The following LSM1 variants were observed in gnomAD, a reference collection of about 807,000 sequenced individuals.
LSM1 encodes LSM1 homolog, mRNA degradation associated, also known as U6 snRNA-associated Sm-like protein LSm1.
Under a neutral mutation model 18.0 loss-of-function variants are expected in LSM1, and 13 were observed. The observed-to-expected ratio is 0.72, with a 90% CI of 0.47 to 1.15. The LOEUF (loss-of-function observed/expected upper bound fraction) is 1.15, where lower values mean the gene tolerates loss of function less well. Among genes scored for constraint, LSM1 ranks in the 50% most tolerant of loss-of-function variants. The pLI is 0.00. For missense variants in LSM1, 152 were observed against 157.7 expected (o/e 0.96, Z 0.19); for synonymous variants, 46 against 56.0 (o/e 0.82, Z 0.80).
At position 38,176,464 on chromosome 8, in the gene LSM1, G is replaced by A. The variant is rs935956492; in HGVS notation, c.-144C>T. ...AGCACTTCTGCCCCGGCTTTCAGCC[G>A]CCGGGGGCTGCCGGAAGCTCCTCCA... On this transcript the variant is annotated 5_prime_UTR_variant, in exon 1 of 4. Transcript: ENST00000311351. 1.4e-4 allele frequency: 88 copies of A among 650,298 alleles called. No homozygotes were observed. In the Middle Eastern group the frequency reaches 1.6e-3, roughly 12 times the overall value. The allele number at this position is 650,298 out of a possible 1,614,324, so 40.3% of individuals were successfully genotyped here.
intron 2 of LSM1, among the ~76,000 whole-genome samples, chr8:38,170,502 CA>C (rs963441741): frequency 7.9e-5 from 12 of 151,104 alleles, no homozygotes; most frequent in Non-Finnish European, 1.6e-4. Flanking sequence ...TTGCTAATAC[CA>C]AAAAAAACCA....
intron 2 of LSM1, among the ~76,000 whole-genome samples, chr8:38,170,619 G>A (rs988309366): frequency 1.3e-5 from 2 of 152,082 alleles, no homozygotes; most frequent in East Asian, 1.9e-4. Context: ...TTTTGTGTGG[G>A]TGTGTATGTG....
intron 1 of LSM1, among the ~76,000 whole-genome samples, chr8:38,173,379 G>A (rs977423863): frequency 6.6e-6 from 1 of 151,970 alleles, no homozygotes; most frequent in South Asian, 2.1e-4. Context: ...AAGGGGGCGG[G>A]GGGGGAGAAG....
At chr8:38,168,263 G>C (rs577438661) in intron 3 of LSM1, among the ~76,000 whole-genome samples, 1 of 150,790 alleles carries the variant, frequency 6.6e-6, no homozygotes, top group South Asian at 2.1e-4. Context: ...ACCTGGCCTT[G>C]TTTCAGCCTT....
chr8:38,172,298 T>C (rs1259604647), intron 1 of LSM1, among the ~76,000 whole-genome samples: 1 of 149,898 alleles, frequency 6.7e-6, no homozygotes, highest in African/African-American at 2.5e-5. Flanking sequence ...TAGACCCTTA[T>C]GTTGGTTTTT....
chr8:38,164,216 G>C (rs1282280359), intron 3 of LSM1, among the ~76,000 whole-genome samples: 1 of 152,100 alleles, frequency 6.6e-6, no homozygotes, highest in Non-Finnish European at 1.5e-5. Flanking sequence ...CACCACGCCT[G>C]GCTAATTTTT....
intron 2 of LSM1, among the ~76,000 whole-genome samples, chr8:38,170,310 TACAGGCGTGAGCC>T (rs1803003691): frequency 6.6e-6 from 1 of 152,206 alleles, no homozygotes; most frequent in South Asian, 2.1e-4. Context: ...GTGCTGGGAT[TACAGGCGTGAGCC>T]ACAGTGCCGG....
At chr8:38,169,691 A>G (rs776913066) in intron 3 of LSM1, 111 bp downstream of exon 3, 18 of 629,234 alleles carry the variant, frequency 2.9e-5, no homozygotes, top group Non-Finnish European at 2.2e-5. Flanking sequence ...GTTGCCTAGG[A>G]GAAGCCAGAT....
chr8:38,173,980 G>C (rs539308494), intron 1 of LSM1, among the ~76,000 whole-genome samples: 8 of 152,260 alleles, frequency 5.3e-5, no homozygotes, highest in African/African-American at 1.9e-4. Flanking sequence ...GAAATCAAGA[G>C]AAGAGAATTA....
intron 1 of LSM1, among the ~76,000 whole-genome samples, chr8:38,174,295 A>G (rs755473621): frequency 5.9e-5 from 9 of 152,164 alleles, no homozygotes; most frequent in Admixed American, 3.3e-4. Context: ...AGAGGATATA[A>G]AAGAAAAAGG....
chr8:38,173,870 G>C (rs1803071097), intron 1 of LSM1, among the ~76,000 whole-genome samples: 3 of 152,298 alleles, frequency 2.0e-5, no homozygotes, highest in Non-Finnish European at 4.4e-5. Context: ...ATCTACTAAA[G>C]ATTTAAAGAA....
intron 3 of LSM1, among the ~76,000 whole-genome samples, chr8:38,164,972 AC>A (rs1369447734): frequency 6.6e-6 from 1 of 152,196 alleles, no homozygotes; most frequent in East Asian, 1.9e-4. Flanking sequence ...CTTTACGGCA[AC>A]AAGTCTTCTA....
chr8:38,176,007 C>T, intron 1 of LSM1: 1 of 393,032 alleles, frequency 2.5e-6, no homozygotes, highest in Non-Finnish European at 4.6e-6. Flanking sequence ...CTGCCGCGAT[C>T]CACGGAAGCA....
chr8:38,172,099 A>AT, intron 1 of LSM1, 66 bp from the exon 2 acceptor site: 5 of 1,131,654 alleles, frequency 4.4e-6, no homozygotes, highest in Non-Finnish European at 5.3e-6. Context: ...TAGGATAATA[A>AT]TTAACAGTTT....
intron 2 of LSM1, among the ~76,000 whole-genome samples, chr8:38,171,732 C>T (rs1803033636): frequency 6.6e-6 from 1 of 152,178 alleles, no homozygotes; most frequent in Non-Finnish European, 1.5e-5. Context: ...TTTGGCTCCC[C>T]CTACTGGGGA....
chr8:38,176,722 GGCA>G, upstream of LSM1: 1 of 1,088,548 alleles, frequency 9.2e-7, no homozygotes, highest in Non-Finnish European at 1.2e-6. Flanking sequence ...TTCGGGGTTC[GGCA>G]GCAGAAGGGG....
At chr8:38,164,116 G>T (rs1280207293) in intron 3 of LSM1, among the ~76,000 whole-genome samples, 1 of 152,100 alleles carries the variant, frequency 6.6e-6, no homozygotes, top group Non-Finnish European at 1.5e-5. Flanking sequence ...GTGCAGTGGC[G>T]CAATCTGAGC....
rs770757790 is a variant in LSM1, at chr8:38,163,628, C to CA, written c.*41dup. 1 of 1,586,224 alleles carries CA rather than the reference C, an allele frequency of 6.3e-7. No homozygotes were observed. The highest frequency in any genetic ancestry group is 1.3e-5 in the African/African-American group (1 of 74,346). ...CCAGGATGTCACTTTCACTCAGTGA[C>CA]AGCCCCTACTCTTCAAGAGCCAACA... On this transcript the variant is annotated 3_prime_UTR_variant, in exon 4 of 4. Coordinates refer to ENST00000311351, the MANE Select transcript of LSM1 (RefSeq NM_014462.3).
At chr8:38,171,634 T>C (rs1314856418) in intron 2 of LSM1, among the ~76,000 whole-genome samples, 1 of 152,188 alleles carries the variant, frequency 6.6e-6, no homozygotes, top group African/African-American at 2.4e-5. Flanking sequence ...GCCACTGCAC[T>C]CCAGCCTGGG....
Sources: allele counts gnomAD v4.1 joint callset (sites outside exome capture counted in the v4.1 genomes callset), GRCh38; gene constraint gnomAD v4.1.1; transcripts MANE v1.5; gene names NCBI Gene and HGNC (gene_info 2026-07-23, HGNC 2026-07-21).